The following DCAF6 variants were observed in gnomAD, a reference collection of about 807,000 sequenced individuals.
The protein encoded by DCAF6 is DDB1- and CUL4-associated factor 6.
A neutral mutation model predicts 125.1 loss-of-function variants in DCAF6; 54 were observed. The observed-to-expected ratio is 0.43, with a 90% CI of 0.35 to 0.54. The LOEUF is 0.54. DCAF6 is among the 20% of genes least tolerant of loss of function. DCAF6 has a pLI of 0.01. For missense variants in DCAF6, 934 were observed against 1,161.7 expected (o/e 0.80, Z 2.85); for synonymous variants, 371 against 390.4 (o/e 0.95, Z 0.58).
the DCAF6 span, chr1:167,899,766 G>C: frequency 1.2e-6 from 1 of 802,432 alleles, no homozygotes; most frequent in South Asian, 1.5e-5. Flanking sequence ...CTTTACATAG[G>C]AATTATGGCA....
rs748337461 is a variant in DCAF6 at position 168,023,067 on chromosome 1, C to T, written c.1609+20C>T. 218 of 1,612,326 alleles carry T rather than the reference C, an allele frequency of 1.4e-4. No individual in the cohort carries two copies. Among genetic ancestry groups the T allele is most frequent in the Non-Finnish European group, 1.1e-4 (131 of 1,178,574 alleles). Reference sequence around the variant, plus strand: ...AACAGGGTGCGTGCAACAGGAGATGCGCTATGCCCATCCATCCATAGCTTT... The same window carrying T: ...AACAGGGTGCGTGCAACAGGAGATGTGCTATGCCCATCCATCCATAGCTTT... On this transcript the variant is annotated intron_variant, in intron 12 of 21. Transcript: ENST00000367840.
chr1:167,987,487 A>G lies in DCAF6; in HGVS notation c.439-8A>G. On this transcript the variant is annotated splice_region_variant and splice_polypyrimidine_tract_variant and intron_variant, in intron 4 of 21. Coordinates refer to ENST00000367840, the MANE Select transcript of DCAF6 (RefSeq NM_001198956.2). ...TATGATTATCTGCACTTTTCTTTTC[A>G]TCTTCAGATTATGACTGTACCCAAT... The G allele has an allele frequency of 1.5e-6, 2 of 1,377,660 alleles. No individual in the cohort carries two copies. Among genetic ancestry groups the G allele is most frequent in the Non-Finnish European group, 2.1e-6 (2 of 973,526 alleles). The allele number at this position is 1,377,660 out of a possible 1,614,324, so 85.3% of individuals were successfully genotyped here.
intron 8 of DCAF6, among the ~76,000 whole-genome samples, chr1:168,003,134 A>G (rs2103076024): frequency 6.6e-6 from 1 of 152,298 alleles, no homozygotes; most frequent in Non-Finnish European, 1.5e-5. Context: ...TCAAAAGCAT[A>G]TTCCCCAATA....
At chr1:167,875,401 A>G in the DCAF6 span, among the ~76,000 whole-genome samples, 1 of 146,422 alleles carries the variant, frequency 6.8e-6, no homozygotes, top group Non-Finnish European at 1.5e-5. Context: ...ATCTGTTTCC[A>G]TAGCATCTGG....
intron 3 of DCAF6, chr1:167,969,373 A>G (rs912592175): frequency 6.6e-6 from 1 of 152,174 alleles, no homozygotes; most frequent in African/African-American, 2.4e-5. Flanking sequence ...ATGCTTCATG[A>G]TATACAATTC....
chr1:168,045,163 G>A lies in DCAF6; in HGVS notation c.2194G>A (p.Asp732Asn). The A allele has an allele frequency of 6.2e-7, 1 of 1,613,996 alleles. No homozygotes were observed. The highest frequency in any genetic ancestry group is 8.5e-7 in the Non-Finnish European group (1 of 1,179,924). The change falls in exon 16 of 22, where the codon GAT becomes AAT. Residue 732 changes from aspartate (D) to asparagine (N), a missense_variant. Transcript: ENST00000367840. ...CAGGGACTCTGCTCTTCAGGACACA[G>A]ATGACAGTGATGATGACCCAGTCCT... Reference protein sequence around the residue: ...STRDSALQDTDDSDDDPVLIP... With the variant: ...STRDSALQDTNDSDDDPVLIP...
chr1:167,918,963 T>C, the DCAF6 span, among the ~76,000 whole-genome samples: 1 of 152,150 alleles, frequency 6.6e-6, no homozygotes. Flanking sequence ...ATAAAAATAT[T>C]CTCATTCTGG....
At chr1:167,946,243 A>G (rs1673070839) in intron 1 of DCAF6, among the ~76,000 whole-genome samples, 1 of 152,194 alleles carries the variant, frequency 6.6e-6, no homozygotes, top group Non-Finnish European at 1.5e-5. Flanking sequence ...GGCATGAGCT[A>G]CCGCGCCTGG....
Position 168,004,610 on chromosome 1 carries a change from A to G in DCAF6, c.1195A>G (p.Met399Val), listed in dbSNP as rs1683093425. Reference sequence around the variant, plus strand: ...TGATTTGGAAGTGAGTGAAACTGCAATGGAAGTAGATACTCCAGCTGAACA... The same window carrying G: ...TGATTTGGAAGTGAGTGAAACTGCAGTGGAAGTAGATACTCCAGCTGAACA... ...SPDLEVSETA[M>V]EVDTPAEQFL... is the part of the protein sequence containing the mutation. The change falls in exon 10 of 22, where the codon ATG (methionine) becomes GTG (valine). Residue 399 changes from methionine to valine, a missense_variant. Coordinates refer to ENST00000367840, the MANE Select transcript of DCAF6 (RefSeq NM_001198956.2). The G allele has an allele frequency of 3.1e-6, 5 of 1,612,636 alleles. No homozygotes were observed. The South Asian group carries it at 3.3e-5, about 11-fold the overall frequency.
intron 21 of DCAF6, among the ~76,000 whole-genome samples, chr1:168,072,537 A>G (rs1009063762): frequency 6.6e-6 from 1 of 152,118 alleles, no homozygotes; most frequent in Non-Finnish European, 1.5e-5. Flanking sequence ...TCCTCCTTAG[A>G]AAGTAAGCTT....
At chr1:167,871,769 A>G in the DCAF6 span, among the ~76,000 whole-genome samples, 4 of 152,042 alleles carry the variant, frequency 2.6e-5, no homozygotes, top group African/African-American at 9.7e-5. Flanking sequence ...TACATTTCTG[A>G]GTATGGCTTA....
the DCAF6 span, among the ~76,000 whole-genome samples, chr1:167,883,883 A>G: frequency 3.3e-5 from 5 of 152,222 alleles, no homozygotes; most frequent in Non-Finnish European, 5.9e-5. Flanking sequence ...TGGCTTCCTC[A>G]TGCCAATATG....
chr1:167,944,664 T>C (rs965226539), intron 1 of DCAF6, among the ~76,000 whole-genome samples: 1 of 152,208 alleles, frequency 6.6e-6, no homozygotes, highest in African/African-American at 2.4e-5. Context: ...ATTTTTTTGG[T>C]TGTTGAATCG....
At chr1:167,886,862 A>C in the DCAF6 span, among the ~76,000 whole-genome samples, 1 of 152,232 alleles carries the variant, frequency 6.6e-6, no homozygotes, top group African/African-American at 2.4e-5. Flanking sequence ...AAAATCAAAC[A>C]ACCCCATCAA....
chr1:167,985,439 A>G (rs908748328), intron 4 of DCAF6, among the ~76,000 whole-genome samples: 2 of 152,092 alleles, frequency 1.3e-5, no homozygotes, highest in Non-Finnish European at 2.9e-5. Context: ...ACCCAGCAAC[A>G]TAGCATCTTG....
At chr1:167,939,795 A>G (rs1307523898) in intron 1 of DCAF6, among the ~76,000 whole-genome samples, 1 of 152,158 alleles carries the variant, frequency 6.6e-6, no homozygotes, top group Non-Finnish European at 1.5e-5. Context: ...AAAGTATGGT[A>G]CACTTATAAA....
chr1:167,944,730 G>A (rs11586950), intron 1 of DCAF6, among the ~76,000 whole-genome samples: 20,295 of 152,108 alleles, frequency 0.13, 1,747 homozygotes, highest in African/African-American at 0.24. Flanking sequence ...ATAATTTGCA[G>A]ATATTTTCTG....
At chr1:167,964,499 T>C (rs1042927499) in intron 2 of DCAF6, among the ~76,000 whole-genome samples, 1 of 152,214 alleles carries the variant, frequency 6.6e-6, no homozygotes, top group African/African-American at 2.4e-5. Flanking sequence ...TTTCTTTAGT[T>C]TGAAAAATGC....
rs1686623535 is a variant in DCAF6 at position 168,028,423 on chromosome 1, C to A, written c.1609+5376C>A. On this transcript the variant is annotated intron_variant, in intron 12 of 21. Coordinates refer to ENST00000367840, the MANE Select transcript of DCAF6 (RefSeq NM_001198956.2). Reference sequence around the variant, plus strand: ...GAAACAAGTTGCTTTCTATTCCTTACAGTGATTCCATTAAGTGGAAGTTGA... The same window carrying A: ...GAAACAAGTTGCTTTCTATTCCTTAAAGTGATTCCATTAAGTGGAAGTTGA... Among the ~76,000 whole-genome samples the A allele has an allele frequency of 2.0e-5, 3 of 152,160 alleles. No homozygotes were observed. In the South Asian group the frequency reaches 6.2e-4, roughly 32 times the overall value.
Sources: gnomAD v4.1 joint callset for allele counts (sites outside exome capture counted in the v4.1 genomes callset) on GRCh38, gnomAD v4.1.1 for gene constraint, MANE v1.5 for transcripts, NCBI Gene and HGNC (gene_info 2026-07-23, HGNC 2026-07-21) for gene names.